EYS: variants seen among roughly 807,000 people sequenced by gnomAD.
The protein encoded by EYS is EGF-like photoreceptor maintenance factor.
In EYS, 250 loss-of-function variants were observed where a neutral mutation model predicts 282.1. That is an observed-to-expected ratio of 0.89 (90% confidence interval 0.80 to 0.98). EYS has a LOEUF of 0.98. Among genes scored for constraint, EYS ranks in the 50% least tolerant of loss-of-function variants. EYS has a pLI of 0.00. For synonymous variants in EYS, 1,355 were observed against 1,282.9 expected, an observed-to-expected ratio of 1.06 and a Z score of -1.20; for missense variants, 4,016 against 3,709.0, an observed-to-expected ratio of 1.08 and a Z score of -2.15.
intron 22 of EYS, among the ~76,000 whole-genome samples, chr6:64,722,497 T>C (rs1221407359): frequency 4.6e-5 from 7 of 151,104 alleles, no homozygotes; most frequent in Admixed American, 1.3e-4. Flanking sequence ...TGTAAAATAG[T>C]ATTTTCAGTA....
At chr6:65,484,247 A>G (rs1217476837) in intron 5 of EYS, among the ~76,000 whole-genome samples, 2 of 152,248 alleles carry the variant, frequency 1.3e-5, no homozygotes, top group African/African-American at 4.8e-5. Flanking sequence ...AATATTGCTG[A>G]AGTATCTCAG....
At chr6:64,491,119 A>G (rs75596000) in intron 26 of EYS, among the ~76,000 whole-genome samples, 228 of 151,088 alleles carry the variant, frequency 1.5e-3, no homozygotes, top group African/African-American at 5.0e-3. Context: ...GAAGAAGAAT[A>G]TCATCCAATA....
chr6:65,176,643 A>G (rs1460002951), intron 12 of EYS, among the ~76,000 whole-genome samples: 1 of 151,630 alleles, frequency 6.6e-6, no homozygotes, highest in East Asian at 2.0e-4. Context: ...CCACCACTTA[A>G]AGTCTATGTG....
At chr6:64,923,198 C>T (rs993859512) in intron 15 of EYS, among the ~76,000 whole-genome samples, 1 of 151,998 alleles carries the variant, frequency 6.6e-6, no homozygotes, top group Admixed American at 6.6e-5. Context: ...GCTAAAGAGG[C>T]CTCAGAATCA....
At chr6:63,909,870 A>G (rs1479500393) in intron 35 of EYS, among the ~76,000 whole-genome samples, 1 of 152,134 alleles carries the variant, frequency 6.6e-6, no homozygotes, top group African/African-American at 2.4e-5. Context: ...AAGTTTGAGA[A>G]CCATGACACT....
At chr6:64,005,681 G>A (rs1451611052) in intron 33 of EYS, among the ~76,000 whole-genome samples, 2 of 152,136 alleles carry the variant, frequency 1.3e-5, no homozygotes, top group Non-Finnish European at 2.9e-5. Flanking sequence ...TCAATCTTCT[G>A]CATATGGCTA....
At chr6:63,919,077 T>A (rs564842807) in intron 35 of EYS, among the ~76,000 whole-genome samples, 22 of 152,236 alleles carry the variant, frequency 1.4e-4, no homozygotes, top group African/African-American at 4.8e-4. Flanking sequence ...ATTTTTCTAG[T>A]CTAAGAAAAC....
chr6:64,699,911 T>TA (rs1282777648), intron 22 of EYS, among the ~76,000 whole-genome samples: 23 of 152,088 alleles, frequency 1.5e-4, no homozygotes, highest in Admixed American at 4.6e-4. Flanking sequence ...GTAAACTACA[T>TA]ACCCATATCT....
At chr6:64,776,702 A>G (rs148150533) in intron 22 of EYS, among the ~76,000 whole-genome samples, 8 of 152,210 alleles carry the variant, frequency 5.3e-5, no homozygotes, top group African/African-American at 1.9e-4. Flanking sequence ...ATGTAATTAT[A>G]TTAGTAATAA....
chr6:64,171,692 T>G (rs28425675), intron 31 of EYS, among the ~76,000 whole-genome samples: 1 of 152,196 alleles, frequency 6.6e-6, no homozygotes, highest in Admixed American at 6.5e-5. Flanking sequence ...ACAGAAATTA[T>G]TGTCTTAGAG....
chr6:64,972,548 TA>T (rs1770331472), intron 14 of EYS, among the ~76,000 whole-genome samples: 1 of 152,044 alleles, frequency 6.6e-6, no homozygotes, highest in Non-Finnish European at 1.5e-5. Context: ...GTGAAGACAA[TA>T]AGGACCTTAA....
intron 31 of EYS, among the ~76,000 whole-genome samples, chr6:64,115,488 C>A (rs1582289856): frequency 6.6e-6 from 1 of 152,186 alleles, no homozygotes; most frequent in South Asian, 2.1e-4. Context: ...AGGACTCCAG[C>A]AGCCTTCACC....
In EYS at chr6:65,218,200, T is replaced by C. The variant is rs977328077; in HGVS notation, c.2023+77663A>G. 2.6e-5 allele frequency among the ~76,000 whole-genome samples: 4 copies of C among 152,158 alleles called. No individual in the cohort carries two copies. In the East Asian group the frequency reaches 5.8e-4, roughly 22 times the overall value. On this transcript the variant is annotated intron_variant, in intron 12 of 42. Coordinates refer to ENST00000503581, the MANE Select transcript of EYS (RefSeq NM_001142800.2). ...GAGAAGATAAATGAACATTAGATAGTATGGGGGATAGTTATAAAGCAGAAA... is the reference window on the plus strand; with the variant it reads ...GAGAAGATAAATGAACATTAGATAGCATGGGGGATAGTTATAAAGCAGAAA...
At chr6:64,404,862 G>C (rs1269699112) in intron 28 of EYS, among the ~76,000 whole-genome samples, 1 of 152,136 alleles carries the variant, frequency 6.6e-6, no homozygotes, top group Non-Finnish European at 1.5e-5. Flanking sequence ...GAAGGCATGA[G>C]TTGAAATAAA....
rs887276716 is a variant in EYS at position 65,692,433 on chromosome 6, A to G, written c.-448+14702T>C. ...TAAAATTAAAAAGAAGCAGAATATGAAAAAATTGACATAATTCATAGAAAA... is the reference window on the plus strand; with the variant it reads ...TAAAATTAAAAAGAAGCAGAATATGGAAAAATTGACATAATTCATAGAAAA... On this transcript the variant is annotated intron_variant, in intron 1 of 42. Transcript: ENST00000503581. Among the ~76,000 whole-genome samples the G allele has an allele frequency of 7.3e-5, 11 of 150,236 alleles. 1 individual carries two copies. Among genetic ancestry groups the G allele is most frequent in the Admixed American group, 3.3e-4 (5 of 14,932 alleles).
intron 2 of EYS, among the ~76,000 whole-genome samples, chr6:65,628,276 T>G (rs1472456398): frequency 6.6e-6 from 1 of 152,164 alleles, no homozygotes; most frequent in Non-Finnish European, 1.5e-5. Context: ...AACCTGTGTG[T>G]GGAAACTCTG....
intron 1 of EYS, among the ~76,000 whole-genome samples, chr6:65,645,839 G>A (rs1767431505): frequency 6.6e-6 from 1 of 151,970 alleles, no homozygotes; most frequent in African/African-American, 2.4e-5. Context: ...AGATGAAATG[G>A]GAGATATTAC....
chr6:64,516,054 T>A (rs190241914), intron 26 of EYS, among the ~76,000 whole-genome samples: 69 of 151,962 alleles, frequency 4.5e-4, no homozygotes, highest in African/African-American at 1.6e-3. Flanking sequence ...ATTCTGAATT[T>A]ATACTTTCCA....
intron 12 of EYS, among the ~76,000 whole-genome samples, chr6:65,260,135 C>G (rs932157758): frequency 6.6e-6 from 1 of 151,930 alleles, no homozygotes; most frequent in Non-Finnish European, 1.5e-5. Context: ...TCAAGGCAGC[C>G]AAAAGGAGAC....
Sources: allele counts gnomAD v4.1 joint callset (sites outside exome capture counted in the v4.1 genomes callset), GRCh38; gene constraint gnomAD v4.1.1; transcripts MANE v1.5; gene names NCBI Gene and HGNC (gene_info 2026-07-23, HGNC 2026-07-21).